The following CNTNAP2 variants were observed in gnomAD, a reference collection of about 807,000 sequenced individuals.
CNTNAP2 encodes contactin-associated protein-like 2.
Under a neutral mutation model 155.2 loss-of-function variants are expected in CNTNAP2, and 98 were observed. That is an observed-to-expected ratio of 0.63 (90% CI 0.54 to 0.75). The LOEUF is 0.75. Ranked by LOEUF, CNTNAP2 falls within the 30% of genes least tolerant of loss-of-function variation. The pLI, the probability that CNTNAP2 is intolerant of heterozygous loss-of-function variation, is 0.00. For synonymous variants in CNTNAP2, 651 were observed against 631.2 expected (o/e 1.03, Z -0.47); for missense variants, 1,727 against 1,688.1 (o/e 1.02, Z -0.40).
chr7:147,493,739 C>T (rs758690189), intron 11 of CNTNAP2, among the ~76,000 whole-genome samples: 1 of 152,056 alleles, frequency 6.6e-6, no homozygotes, highest in Non-Finnish European at 1.5e-5. Flanking sequence ...TTCACGCTTA[C>T]AAAATATGGA....
At chr7:148,075,937 C>G in intron 15 of CNTNAP2, among the ~76,000 whole-genome samples, 1 of 152,108 alleles carries the variant, frequency 6.6e-6, no homozygotes. Context: ...TCGAAAGTAG[C>G]CTGTATGTCT....
At chr7:147,365,081 TC>T (rs762084914) in intron 9 of CNTNAP2, among the ~76,000 whole-genome samples, 3 of 152,072 alleles carry the variant, frequency 2.0e-5, no homozygotes, top group Non-Finnish European at 1.5e-5. Flanking sequence ...TAATTTCTAT[TC>T]TTTACTTAGT....
At chr7:147,357,011 A>G (rs529914730) in intron 9 of CNTNAP2, among the ~76,000 whole-genome samples, 1 of 151,980 alleles carries the variant, frequency 6.6e-6, no homozygotes, top group Non-Finnish European at 1.5e-5. Flanking sequence ...CTTGTCTTTC[A>G]TTCAAACTCT....
At chr7:147,010,478 T>A (rs1438779964) in intron 3 of CNTNAP2, among the ~76,000 whole-genome samples, 3 of 152,094 alleles carry the variant, frequency 2.0e-5, no homozygotes, top group Admixed American at 2.0e-4. Flanking sequence ...ATCTAAAATA[T>A]CTATTTGTGC....
chr7:148,345,191 G>A (rs919001872), intron 21 of CNTNAP2, among the ~76,000 whole-genome samples: 1 of 152,166 alleles, frequency 6.6e-6, no homozygotes, highest in African/African-American at 2.4e-5. Flanking sequence ...TCACATGGAG[G>A]AGACGGGCAT....
chr7:147,291,848 G>A (rs1034732362), intron 8 of CNTNAP2, among the ~76,000 whole-genome samples: 2 of 151,948 alleles, frequency 1.3e-5, no homozygotes, highest in Non-Finnish European at 2.9e-5. Flanking sequence ...TCATGGTTTT[G>A]GTTTCCCTGA....
rs114365669 is a variant in CNTNAP2, at chr7:147,411,838, G to A, written c.1670+16058G>A. On this transcript the variant is annotated intron_variant, in intron 10 of 23. Coordinates refer to ENST00000361727, the MANE Select transcript of CNTNAP2 (RefSeq NM_014141.6). ...TGAGGATTATCACTAGGAAGGAAGA[G>A]GAAAATCTGTAATGAGATAGATAGC... is the stretch of plus-strand genomic sequence containing the variant. 6.5e-3 allele frequency among the ~76,000 whole-genome samples: 985 copies of A among 152,140 alleles called. 9 individuals are homozygous for A. Among genetic ancestry groups the A allele is most frequent in the African/African-American group, 0.023 (937 of 41,502 alleles).
chr7:147,336,513 T>C (rs914255715), intron 9 of CNTNAP2, among the ~76,000 whole-genome samples: 16 of 152,184 alleles, frequency 1.1e-4, no homozygotes, highest in African/African-American at 3.6e-4. Flanking sequence ...TCTCACTCTT[T>C]TAGCATATGG....
At chr7:147,248,949 G>C (rs1168290765) in intron 8 of CNTNAP2, among the ~76,000 whole-genome samples, 2 of 152,102 alleles carry the variant, frequency 1.3e-5, no homozygotes, top group Non-Finnish European at 2.9e-5. Context: ...ATCAATGCTG[G>C]CCTTAATGGT....
At chr7:146,775,271 T>A (rs914647655) in intron 2 of CNTNAP2, among the ~76,000 whole-genome samples, 1 of 152,288 alleles carries the variant, frequency 6.6e-6, no homozygotes, top group East Asian at 1.9e-4. Context: ...GTTAATAATA[T>A]GTTGCATCCT....
rs544036402 is a variant in CNTNAP2 at position 146,429,026 on chromosome 7, A to C, written c.97+312053A>C. On this transcript the variant is annotated intron_variant, in intron 1 of 23. Coordinates refer to ENST00000361727, the MANE Select transcript of CNTNAP2 (RefSeq NM_014141.6). The stretch of plus-strand genomic sequence containing the variant: ...TTTTGTCAGGTTTGTTGAATATCAG[A>C]TGGTTGTAGGTGTGCAGTCACATTT... Among the ~76,000 whole-genome samples the C allele has an allele frequency of 2.0e-4, 30 of 152,110 alleles. No individual in the cohort carries two copies. In the East Asian group the frequency reaches 5.8e-3, roughly 30 times the overall value.
chr7:147,175,928 A>G (rs1022046653), intron 8 of CNTNAP2, among the ~76,000 whole-genome samples: 2 of 152,236 alleles, frequency 1.3e-5, no homozygotes, highest in Admixed American at 1.3e-4. Context: ...TCAGGATGAC[A>G]TGATGAACAA....
At chr7:146,604,848 C>T (rs1352065241) in intron 1 of CNTNAP2, among the ~76,000 whole-genome samples, 1 of 143,862 alleles carries the variant, frequency 7.0e-6, no homozygotes, top group Non-Finnish European at 1.5e-5. Flanking sequence ...ACCTCATATT[C>T]TCACTCATAG....
chr7:148,084,689 T>C (rs1180625128), intron 15 of CNTNAP2, among the ~76,000 whole-genome samples: 2 of 152,344 alleles, frequency 1.3e-5, no homozygotes, highest in East Asian at 3.9e-4. Flanking sequence ...TTTAATAATA[T>C]GACAGGTCAT....
chr7:147,060,405 T>A (rs1160101828), intron 4 of CNTNAP2, among the ~76,000 whole-genome samples: 1 of 152,148 alleles, frequency 6.6e-6, no homozygotes, highest in East Asian at 1.9e-4. Flanking sequence ...CAGATCAATA[T>A]CTCTTTCACT....
chr7:147,677,502 T>C (rs1795888192), intron 13 of CNTNAP2, among the ~76,000 whole-genome samples: 1 of 151,960 alleles, frequency 6.6e-6, no homozygotes, highest in African/African-American at 2.4e-5. Flanking sequence ...TCCTTTGCTG[T>C]AGAACAGCTT....
At chr7:148,188,871 G>A (rs928042516) in intron 18 of CNTNAP2, among the ~76,000 whole-genome samples, 3 of 152,076 alleles carry the variant, frequency 2.0e-5, no homozygotes, top group African/African-American at 7.2e-5. Flanking sequence ...CCACCCAGTG[G>A]GTTTACCAAA....
Position 146,277,330 on chromosome 7 carries a change from A to G in CNTNAP2, c.97+160357A>G, listed in dbSNP as rs189323267. Among the ~76,000 whole-genome samples, 11 of 152,316 alleles carry G rather than the reference A, an allele frequency of 7.2e-5. 1 individual carries two copies. The highest frequency in any genetic ancestry group is 2.6e-4 in the African/African-American group (11 of 41,574). ...TACGGAGCCTTAGGAAACTAATATA[A>G]ATACCTAGAAAGAAGAAATATATAG... On this transcript the variant is annotated intron_variant, in intron 1 of 23. Transcript: ENST00000361727.
chr7:147,295,146 T>C (rs77590242), intron 8 of CNTNAP2, among the ~76,000 whole-genome samples: 2,522 of 152,228 alleles, frequency 0.017, 44 homozygotes, highest in Non-Finnish European at 0.024. Context: ...AAAGCCTCAT[T>C]TTATTTCCAG....
Sources: gnomAD v4.1 joint callset for allele counts (sites outside exome capture counted in the v4.1 genomes callset) on GRCh38, gnomAD v4.1.1 for gene constraint, MANE v1.5 for transcripts, NCBI Gene and HGNC (gene_info 2026-07-23, HGNC 2026-07-21) for gene names.